Variants in VPS13A observed in about 807,000 individuals in gnomAD.
The protein encoded by VPS13A is vacuolar protein sorting 13 homolog A, also known as intermembrane lipid transfer protein VPS13A.
VPS13A carries 264 observed loss-of-function variants against 390.9 expected under a neutral mutation model. The ratio of observed to expected loss-of-function variants is 0.68; its 90% CI spans 0.61 to 0.75. The LOEUF (loss-of-function observed/expected upper bound fraction) is 0.75, where lower values mean the gene tolerates loss of function less well. VPS13A is among the 30% of genes least tolerant of loss of function. The pLI is 0.00. For synonymous variants in VPS13A, 1,231 were observed against 1,227.1 expected (o/e 1.00, Z -0.07); for missense variants, 3,409 against 3,733.9 (o/e 0.91, Z 2.27).
chr9:77,241,434 G>A (rs1010419113), intron 19 of VPS13A, among the ~76,000 whole-genome samples: 1 of 104,352 alleles, frequency 9.6e-6, no homozygotes, highest in Non-Finnish European at 2.0e-5. Context: ...CTTTACACTT[G>A]TCTTTTTTTT....
chr9:77,319,129 G>A lies in VPS13A; in HGVS notation c.5314-443G>A, dbSNP rs139208501. Among the ~76,000 whole-genome samples the A allele has an allele frequency of 9.3e-4, 140 of 150,572 alleles. 2 individuals are homozygous for A. In the South Asian group the frequency reaches 0.028, roughly 30 times the overall value. ...ATCACTTGAGAATACCTGGGAAGTC[G>A]AGGCTGTGGTGAGCTGAGATCTTAC... On this transcript the variant is annotated intron_variant, in intron 41 of 71. Coordinates refer to ENST00000360280, the MANE Select transcript of VPS13A (RefSeq NM_033305.3).
In VPS13A at chr9:77,291,507, G is replaced by C. The variant is rs148311014; in HGVS notation, c.3340-1834G>C. The stretch of plus-strand genomic sequence containing the variant: ...TGAGCTTAGGTTGGTTTGAATTCCA[G>C]ATTAATACGATTTCCTTCACTACAT... On this transcript the variant is annotated intron_variant, in intron 31 of 71. Coordinates refer to ENST00000360280, the MANE Select transcript of VPS13A (RefSeq NM_033305.3). 4.3e-3 allele frequency among the ~76,000 whole-genome samples: 652 copies of C among 152,248 alleles called. 3 individuals are homozygous for C. Among genetic ancestry groups the C allele is most frequent in the South Asian group, 0.01 (50 of 4,808 alleles).
intron 68 of VPS13A, chr9:77,384,623 T>C: frequency 1.2e-6 from 2 of 1,610,292 alleles, no homozygotes; most frequent in Non-Finnish European, 1.7e-6. Flanking sequence ...TGACTCACAG[T>C]AGCAGTAGTG....
chr9:77,201,592 G>GC (rs1825333898), intron 3 of VPS13A, among the ~76,000 whole-genome samples, 185 bp downstream of exon 3: 1 of 152,068 alleles, frequency 6.6e-6, no homozygotes, highest in Admixed American at 6.5e-5. Flanking sequence ...TATATCCCTT[G>GC]CCTAGTATTT....
chr9:77,323,334 A>G (rs1829846240), intron 45 of VPS13A, 107 bp downstream of exon 45: 9 of 1,341,450 alleles, frequency 6.7e-6, no homozygotes, highest in Admixed American at 1.8e-5. Context: ...AAACCGTAAC[A>G]GTAATACAGC....
At chr9:77,231,300 G>T (rs891415556) in intron 17 of VPS13A, among the ~76,000 whole-genome samples, 1 of 152,026 alleles carries the variant, frequency 6.6e-6, no homozygotes, top group African/African-American at 2.4e-5. Flanking sequence ...TTCTCTTCTT[G>T]TTTCTGTTCT....
chr9:77,382,655 C>T, intron 68 of VPS13A: 1 of 1,003,078 alleles, frequency 1.0e-6, no homozygotes, highest in Non-Finnish European at 1.2e-6. Context: ...AACTCAGGAA[C>T]ACTGCTATTG....
rs750583081 is a variant in VPS13A, at chr9:77,318,291, T to G, written c.5013T>G (p.Thr1671=). The G allele has an allele frequency of 5.6e-6, 9 of 1,609,556 alleles. No homozygotes were observed. In the South Asian group the frequency reaches 1.0e-4, roughly 18 times the overall value. Residue 1671 remains threonine (T), a synonymous_variant, in exon 41 of 72, where the codon ACT becomes ACG. Coordinates refer to ENST00000360280, the MANE Select transcript of VPS13A (RefSeq NM_033305.3). ...MITITSALYT[T]KETIPEETAS... ...CCATAACTTCAGCACTGTATACAACTAAGGAAACCATCCCAGAAGAAACGG... is the reference window on the plus strand; with the variant it reads ...CCATAACTTCAGCACTGTATACAACGAAGGAAACCATCCCAGAAGAAACGG...
intron 31 of VPS13A, among the ~76,000 whole-genome samples, chr9:77,284,377 A>G (rs1334959185): frequency 6.6e-6 from 1 of 152,210 alleles, no homozygotes; most frequent in African/African-American, 2.4e-5. Context: ...TGTAGTGATG[A>G]ACTGATTTTT....
At chr9:77,349,275 A>G (rs1831326545) in intron 52 of VPS13A, among the ~76,000 whole-genome samples, 1 of 151,846 alleles carries the variant, frequency 6.6e-6, no homozygotes, top group African/African-American at 2.4e-5. Context: ...GAGCATATCA[A>G]TTTGCTTCAA....
intron 52 of VPS13A, among the ~76,000 whole-genome samples, chr9:77,349,934 G>A (rs1023631380): frequency 1.3e-5 from 2 of 152,118 alleles, no homozygotes; most frequent in South Asian, 2.1e-4. Context: ...ATGAACCACC[G>A]CGCCCAGCCC....
rs148893654 is a variant in VPS13A at position 77,414,967 on chromosome 9, C to G, written c.9475-989C>G. 2.9e-3 allele frequency among the ~76,000 whole-genome samples: 446 copies of G among 152,156 alleles called. 1 individual carries two copies. The highest frequency in any genetic ancestry group is 0.01 in the Middle Eastern group (3 of 292). On this transcript the variant is annotated intron_variant, in intron 71 of 71. Coordinates refer to ENST00000360280, the MANE Select transcript of VPS13A (RefSeq NM_033305.3). ...ACTGTCTCATACACATACCTTGGACCAGTTAACATGTCCTATGCAATTTTC... is the reference window on the plus strand; with the variant it reads ...ACTGTCTCATACACATACCTTGGACGAGTTAACATGTCCTATGCAATTTTC...
At chr9:77,389,005 G>A (rs959068588) in intron 68 of VPS13A, among the ~76,000 whole-genome samples, 1 of 152,088 alleles carries the variant, frequency 6.6e-6, no homozygotes, top group South Asian at 2.1e-4. Context: ...TTCAACATTA[G>A]TTATTTTCTA....
chr9:77,283,328 T>A (rs1432440825), intron 29 of VPS13A, 27 bp from the exon 30 acceptor site: 2 of 1,355,270 alleles, frequency 1.5e-6, no homozygotes, highest in South Asian at 2.4e-5. Context: ...TTTCCTCATG[T>A]TTTATAATAT....
chr9:77,405,084 A>C (rs141905733), intron 69 of VPS13A, among the ~76,000 whole-genome samples: 1 of 152,316 alleles, frequency 6.6e-6, no homozygotes, highest in East Asian at 1.9e-4. Context: ...AGACATTTGA[A>C]GGAAGGATTA....
At chr9:77,401,484 G>A (rs1230885512) in intron 68 of VPS13A, among the ~76,000 whole-genome samples, 2 of 151,900 alleles carry the variant, frequency 1.3e-5, no homozygotes, top group Non-Finnish European at 2.9e-5. Context: ...GAATAGAGTG[G>A]TATGGCTTTT....
chr9:77,319,710 A>G lies in VPS13A; in HGVS notation c.5415+37A>G, dbSNP rs200356997. The G allele has an allele frequency of 7.1e-4, 773 of 1,087,950 alleles. 3 individuals carry two copies. Among genetic ancestry groups the G allele is most frequent in the South Asian group, 2.5e-3 (159 of 62,886 alleles). The allele number at this position is 1,087,950 out of a possible 1,614,324, so 67.4% of individuals were successfully genotyped here. On this transcript the variant is annotated intron_variant, in intron 42 of 71. Coordinates refer to ENST00000360280, the MANE Select transcript of VPS13A (RefSeq NM_033305.3). The stretch of plus-strand genomic sequence containing the variant: ...TATGTCTATGTGTGTATATATATAT[A>G]TATGTATTTTAAAAGACTTTATTTT...
At position 77,373,128 on chromosome 9, in the gene VPS13A, A is replaced by G. The variant is rs1334768029; in HGVS notation, c.9077+1979A>G. Among the ~76,000 whole-genome samples the G allele has an allele frequency of 5.3e-5, 8 of 152,202 alleles. No homozygotes were observed. The South Asian group carries it at 8.3e-4, about 16-fold the overall frequency. The stretch of plus-strand genomic sequence containing the variant: ...AATGACTTTCTTCACAGAATTGGAA[A>G]AAACTACTTTAAAGTTCATATGGAA... On this transcript the variant is annotated intron_variant, in intron 67 of 71. Transcript: ENST00000360280.
intron 20 of VPS13A, among the ~76,000 whole-genome samples, chr9:77,249,565 G>A (rs1825036283): frequency 6.6e-6 from 1 of 152,134 alleles, no homozygotes; most frequent in Non-Finnish European, 1.5e-5. Flanking sequence ...GTACTATTGT[G>A]GAGTCATCTC....
Sources: gnomAD v4.1 joint callset for allele counts (sites outside exome capture counted in the v4.1 genomes callset) on GRCh38, gnomAD v4.1.1 for gene constraint, MANE v1.5 for transcripts, NCBI Gene and HGNC (gene_info 2026-07-23, HGNC 2026-07-21) for gene names.